The following FKBP6 variants were observed in gnomAD, a reference collection of about 807,000 sequenced individuals.
The protein encoded by FKBP6 is FKBP prolyl isomerase family member 6 (inactive).
A neutral mutation model predicts 41.7 loss-of-function variants in FKBP6; 29 were observed. The observed-to-expected ratio is 0.70, with a 90% CI of 0.52 to 0.95. The LOEUF (loss-of-function observed/expected upper bound fraction) is 0.95, where lower values mean the gene tolerates loss of function less well. Ranked by LOEUF, FKBP6 falls within the 40% of genes least tolerant of loss-of-function variation. The pLI is 0.00. For missense variants in FKBP6, 338 were observed against 408.7 expected (o/e 0.83, Z 1.49); for synonymous variants, 130 against 165.1 (o/e 0.79, Z 1.63).
At chr7:73,330,855 C>T (rs1804819085) in intron 4 of FKBP6, among the ~76,000 whole-genome samples, 1 of 152,184 alleles carries the variant, frequency 6.6e-6, no homozygotes, top group African/African-American at 2.4e-5. Flanking sequence ...GTCTTGCCTC[C>T]TCTTTGTAGC....
intron 5 of FKBP6, among the ~76,000 whole-genome samples, chr7:73,340,414 G>T (rs1443079066): frequency 6.6e-6 from 1 of 152,184 alleles, no homozygotes; most frequent in African/African-American, 2.4e-5. Flanking sequence ...CTACTCAGAA[G>T]GCGGAGGTTG....
At chr7:73,329,537 C>G (rs782450814) in intron 3 of FKBP6, 88 bp downstream of exon 3, 2 of 870,824 alleles carry the variant, frequency 2.3e-6, no homozygotes, top group African/African-American at 1.6e-5. Context: ...CTGCTCAGAG[C>G]GCAGGTTCTT....
rs913425569 is a variant in FKBP6, at chr7:73,341,148, C to A, written c.784-125C>A. 6 of 792,180 alleles carry A rather than the reference C, an allele frequency of 7.6e-6. No homozygotes were observed. The African/African-American group carries it at 1.0e-4, about 13-fold the overall frequency. 49.1% of individuals were successfully genotyped at this position (792,180 alleles called of 1,614,324 possible). On this transcript the variant is annotated intron_variant, in intron 6 of 8. Coordinates refer to ENST00000252037, the MANE Select transcript of FKBP6 (RefSeq NM_003602.5). ...CGTGTTGGCCAGGCTGGTCTGGAAT[C>A]CCTGACCTCAGTTGATCCGCCCGCC...
chr7:73,331,537 A>T, intron 4 of FKBP6, 120 bp from the exon 5 acceptor site: 1 of 916,678 alleles, frequency 1.1e-6, no homozygotes, highest in Non-Finnish European at 1.8e-6. Context: ...AAATGGAGAC[A>T]TGTTCTCACT....
chr7:73,335,767 C>T (rs1554548474), intron 5 of FKBP6, among the ~76,000 whole-genome samples: 1 of 152,162 alleles, frequency 6.6e-6, no homozygotes, highest in Non-Finnish European at 1.5e-5. Flanking sequence ...AATCAGTCAT[C>T]ACACTGCCAC....
At chr7:73,348,652 G>T (rs1279753858) in intron 8 of FKBP6, among the ~76,000 whole-genome samples, 2 of 152,146 alleles carry the variant, frequency 1.3e-5, no homozygotes, top group Non-Finnish European at 2.9e-5. Context: ...CCCCATTTCA[G>T]ACTCCAGTGA....
chr7:73,331,732 T>C lies in FKBP6; in HGVS notation c.544T>C (p.Phe182Leu). The change falls in exon 5 of 9, where the codon TTC becomes CTC. Residue 182 changes from phenylalanine to leucine, a missense_variant. By Grantham distance (22) the Phe-to-Leu change is conservative (BLOSUM62 0). Transcript: ENST00000252037. ...GGAACGGGAGTTTGGCAACTACCTTTTCCGCCAGAATCGTTTCTATGATGC... is the reference window on the plus strand; with the variant it reads ...GGAACGGGAGTTTGGCAACTACCTTCTCCGCCAGAATCGTTTCTATGATGC... ...ATEREFGNYLFRQNRFYDAKV... is the reference protein window; with the variant it reads ...ATEREFGNYLLRQNRFYDAKV... 6.2e-7 allele frequency: 1 copy of C among 1,613,504 alleles called. No individual in the cohort carries two copies.
At chr7:73,351,258 A>G (rs1554551089) in intron 8 of FKBP6, among the ~76,000 whole-genome samples, 1 of 152,002 alleles carries the variant, frequency 6.6e-6, no homozygotes, top group African/African-American at 2.4e-5. Context: ...TCGAACTCCT[A>G]ACCTCAAGTG....
rs1583791335 is a variant in FKBP6 at position 73,328,385 on chromosome 7, C to A, written c.-44C>A. The A allele has an allele frequency of 7.0e-6, 11 of 1,569,124 alleles. No homozygotes were observed. Among genetic ancestry groups the A allele is most frequent in the Non-Finnish European group, 7.8e-6 (9 of 1,158,006 alleles). ...GTCACAGCCAGGGAGGGCAGCGGGGCGCACCAGGCCGAAGGCTCACGCCAC... is the reference window on the plus strand; with the variant it reads ...GTCACAGCCAGGGAGGGCAGCGGGGAGCACCAGGCCGAAGGCTCACGCCAC... On this transcript the variant is annotated 5_prime_UTR_variant, in exon 1 of 9. Transcript: ENST00000252037.
Position 73,339,704 on chromosome 7 carries a change from C to T in FKBP6, c.589-934C>T, listed in dbSNP as rs896895203. Among the ~76,000 whole-genome samples, 89 of 150,706 alleles carry T rather than the reference C, an allele frequency of 5.9e-4. 1 individual carries two copies. The highest frequency in any genetic ancestry group is 7.3e-4 in the Admixed American group (11 of 15,102). ...TCTCGGTTCACCACAACCTCCGCCTCCCATGTTCAAGTGATTCTCCTGCCT... is the reference window on the plus strand; with the variant it reads ...TCTCGGTTCACCACAACCTCCGCCTTCCATGTTCAAGTGATTCTCCTGCCT... On this transcript the variant is annotated intron_variant, in intron 5 of 8. Coordinates refer to ENST00000252037, the MANE Select transcript of FKBP6 (RefSeq NM_003602.5).
At chr7:73,341,147 T>TC (rs1393838041) in intron 6 of FKBP6, 126 bp from the exon 7 acceptor site, 1 of 791,118 alleles carries the variant, frequency 1.3e-6, no homozygotes, top group Non-Finnish European at 2.3e-6. Context: ...TGGTCTGGAA[T>TC]CCCTGACCTC....
chr7:73,351,915 C>T (rs1805501474), intron 8 of FKBP6, among the ~76,000 whole-genome samples: 1 of 152,122 alleles, frequency 6.6e-6, no homozygotes, highest in South Asian at 2.1e-4. Flanking sequence ...TGACATTAGC[C>T]AAGTCATTTC....
chr7:73,338,710 T>A (rs782282820), intron 5 of FKBP6, among the ~76,000 whole-genome samples: 3 of 152,228 alleles, frequency 2.0e-5, no homozygotes, highest in Non-Finnish European at 2.9e-5. Context: ...TGATTTGCAT[T>A]TCCCTGATGA....
chr7:73,333,122 A>G (rs1255595434), intron 5 of FKBP6, among the ~76,000 whole-genome samples: 2 of 151,930 alleles, frequency 1.3e-5, no homozygotes, highest in Non-Finnish European at 2.9e-5. Context: ...AAATACAAAA[A>G]TTTGCTGGCA....
In FKBP6 at chr7:73,329,397, C is replaced by T. The variant is rs1554547105; in HGVS notation, c.213C>T (p.Pro71=). The change falls in exon 3 of 9, where the codon CCC becomes CCT. Residue 71 remains proline (P), a synonymous_variant. Transcript: ENST00000252037. ...GATACCTGGAACACATGGACAGACC[C>T]TTCGATTCTAATTACTTTAGGAAAA... is the stretch of plus-strand genomic sequence containing the variant. The part of the protein sequence containing the change: ...YSGYLEHMDR[P]FDSNYFRKTP... 1 of 1,610,082 alleles carries T rather than the reference C, an allele frequency of 6.2e-7. No homozygotes were observed. The highest frequency in any genetic ancestry group is 1.1e-5 in the South Asian group (1 of 90,994).
intron 8 of FKBP6, among the ~76,000 whole-genome samples, chr7:73,347,600 A>G (rs1276816209): frequency 2.6e-5 from 4 of 152,228 alleles, no homozygotes; most frequent in East Asian, 3.8e-4. Flanking sequence ...AAATAATTCA[A>G]TACTGATGTT....
At chr7:73,335,842 G>A (rs150319700) in intron 5 of FKBP6, among the ~76,000 whole-genome samples, 2 of 152,218 alleles carry the variant, frequency 1.3e-5, no homozygotes, top group African/African-American at 4.8e-5. Context: ...AGTACTACCT[G>A]TCTTAGTCCC....
chr7:73,346,437 G>A (rs781959029), intron 8 of FKBP6, among the ~76,000 whole-genome samples: 3 of 152,210 alleles, frequency 2.0e-5, no homozygotes, highest in Non-Finnish European at 2.9e-5. Flanking sequence ...GGCTGTGAGG[G>A]AGCACCCCTG....
At chr7:73,333,569 C>A (rs745552184) in intron 5 of FKBP6, among the ~76,000 whole-genome samples, 1 of 152,328 alleles carries the variant, frequency 6.6e-6, no homozygotes, top group South Asian at 2.1e-4. Flanking sequence ...CCCCTCCCTC[C>A]TTCCCACCCA....
Sources: gnomAD v4.1 joint callset for allele counts (sites outside exome capture counted in the v4.1 genomes callset) on GRCh38, gnomAD v4.1.1 for gene constraint, MANE v1.5 for transcripts, NCBI Gene and HGNC (gene_info 2026-07-23, HGNC 2026-07-21) for gene names.